The following RBMS3 variants were observed in gnomAD, a reference collection of about 807,000 sequenced individuals.
The protein encoded by RBMS3 is RNA-binding motif, single-stranded-interacting protein 3.
Under a neutral mutation model 66.8 loss-of-function variants are expected in RBMS3, and 27 were observed. That is an observed-to-expected ratio of 0.40 (90% CI 0.30 to 0.56). The LOEUF (loss-of-function observed/expected upper bound fraction) is 0.56. RBMS3 is among the 20% of genes least tolerant of loss of function. The pLI is 0.40. For synonymous variants in RBMS3, 188 were observed against 183.0 expected (o/e 1.03, Z -0.22); for missense variants, 513 against 549.5 (o/e 0.93, Z 0.66).
At chr3:29,472,748 C>T (rs944341611) in intron 2 of RBMS3, among the ~76,000 whole-genome samples, 8 of 152,058 alleles carry the variant, frequency 5.3e-5, no homozygotes, top group East Asian at 1.9e-4. Context: ...CAGACCTTCG[C>T]GGTGAGTGTT....
chr3:29,495,652 A>G (rs993927644), intron 3 of RBMS3, among the ~76,000 whole-genome samples: 1 of 151,870 alleles, frequency 6.6e-6, no homozygotes, highest in Non-Finnish European at 1.5e-5. Flanking sequence ...TCCTGACCTC[A>G]AGTGATCCAC....
intron 8 of RBMS3, among the ~76,000 whole-genome samples, chr3:29,896,619 A>G (rs1431673354): frequency 1.3e-5 from 2 of 151,576 alleles, no homozygotes; most frequent in African/African-American, 4.8e-5. Context: ...ACTCTACAGT[A>G]TAGTCTGAGC....
chr3:29,678,416 G>A (rs528948324), intron 4 of RBMS3, among the ~76,000 whole-genome samples: 1 of 152,018 alleles, frequency 6.6e-6, no homozygotes, highest in Non-Finnish European at 1.5e-5. Flanking sequence ...ATTTTTCTTT[G>A]AGGAGAAAAG....
chr3:29,844,550 C>T (rs955060912), intron 6 of RBMS3, among the ~76,000 whole-genome samples: 1 of 152,152 alleles, frequency 6.6e-6, no homozygotes, highest in Non-Finnish European at 1.5e-5. Flanking sequence ...CAACATAAAG[C>T]ACTATGATTA....
At chr3:29,367,368 T>C (rs189978287) in intron 1 of RBMS3, among the ~76,000 whole-genome samples, 1 of 152,226 alleles carries the variant, frequency 6.6e-6, no homozygotes, top group Admixed American at 6.5e-5. Flanking sequence ...GAAAGCAACA[T>C]ACAATGTGAG....
At chr3:29,622,957 A>C (rs1194738431) in intron 4 of RBMS3, among the ~76,000 whole-genome samples, 1 of 151,998 alleles carries the variant, frequency 6.6e-6, no homozygotes. Context: ...TCTACTAAAA[A>C]ATACAAAAAA....
chr3:29,822,779 T>A (rs2058105598), intron 6 of RBMS3, among the ~76,000 whole-genome samples: 1 of 152,178 alleles, frequency 6.6e-6, no homozygotes, highest in South Asian at 2.1e-4. Flanking sequence ...TTCATTAATA[T>A]CGCTGTTCAT....
chr3:29,730,942 A>C (rs1460104186), intron 4 of RBMS3: 1 of 985,186 alleles, frequency 1.0e-6, no homozygotes, highest in African/African-American at 1.7e-5. Flanking sequence ...CAAGTTCATG[A>C]GGTGTATATG....
chr3:29,545,834 C>T (rs578163560), intron 3 of RBMS3, among the ~76,000 whole-genome samples: 115 of 152,058 alleles, frequency 7.6e-4, no homozygotes, highest in Non-Finnish European at 1.3e-3. Context: ...TCTTCAGATT[C>T]CTAGAGAAAG....
intron 3 of RBMS3, among the ~76,000 whole-genome samples, chr3:29,585,833 C>T (rs1009090681): frequency 3.9e-5 from 6 of 152,210 alleles, no homozygotes; most frequent in African/African-American, 1.2e-4. Context: ...AACTTCACAG[C>T]TTCTCTGCCC....
chr3:29,922,893 CG>C (rs1441958999), intron 10 of RBMS3, among the ~76,000 whole-genome samples: 1 of 152,040 alleles, frequency 6.6e-6, no homozygotes, highest in Non-Finnish European at 1.5e-5. Context: ...GATAAGCTGG[CG>C]GTGTAAACAT....
intron 6 of RBMS3, among the ~76,000 whole-genome samples, chr3:29,814,911 A>G (rs1380288668): frequency 3.3e-5 from 5 of 152,200 alleles, no homozygotes; most frequent in Admixed American, 1.3e-4. Context: ...TGGCCCTCTC[A>G]TCTGCTCTTC....
intron 6 of RBMS3, among the ~76,000 whole-genome samples, chr3:29,850,271 C>G (rs1350165723): frequency 1.3e-5 from 2 of 152,166 alleles, no homozygotes; most frequent in Non-Finnish European, 1.5e-5. Context: ...CTAGGGTAGA[C>G]TGAATAACTT....
chr3:29,950,937 A>G (rs1019475036), intron 12 of RBMS3, among the ~76,000 whole-genome samples: 26 of 151,996 alleles, frequency 1.7e-4, no homozygotes, highest in African/African-American at 5.8e-4. Flanking sequence ...TTAACTAACA[A>G]TGTAAAATAC....
chr3:29,795,844 G>C (rs2149434425), intron 6 of RBMS3, among the ~76,000 whole-genome samples: 1 of 152,272 alleles, frequency 6.6e-6, no homozygotes, highest in East Asian at 1.9e-4. Context: ...TGAAAAATAG[G>C]AATTAATGGA....
chr3:29,314,500 A>G (rs1316339574), intron 1 of RBMS3, among the ~76,000 whole-genome samples: 1 of 151,702 alleles, frequency 6.6e-6, no homozygotes, highest in African/African-American at 2.4e-5. Context: ...CATGACTGTG[A>G]TACAGGCTGA....
Position 29,558,882 on chromosome 3 carries a change from A to G in RBMS3, c.308-28232A>G, listed in dbSNP as rs558552635. On this transcript the variant is annotated intron_variant, in intron 3 of 14. Coordinates refer to ENST00000383767, the MANE Select transcript of RBMS3 (RefSeq NM_001003793.3). Reference sequence around the variant, plus strand: ...CACACATTGAGAACCACTGATTTGCATTAACAAAAATTTGCGAGGGAATAG... The same window carrying G: ...CACACATTGAGAACCACTGATTTGCGTTAACAAAAATTTGCGAGGGAATAG... Among the ~76,000 whole-genome samples, 7 of 152,326 alleles carry G rather than the reference A, an allele frequency of 4.6e-5. No homozygotes were observed. The East Asian group carries it at 1.2e-3, about 25-fold the overall frequency.
chr3:29,584,086 C>T (rs948411631), intron 3 of RBMS3, among the ~76,000 whole-genome samples: 6 of 152,158 alleles, frequency 3.9e-5, no homozygotes, highest in Non-Finnish European at 8.8e-5. Flanking sequence ...ACTACTCCAG[C>T]AGACTTCAAT....
chr3:29,434,822 ACAG>A lies in RBMS3; in HGVS notation c.160_162del (p.Ser54del). The A allele has an allele frequency of 6.2e-7, 1 of 1,614,114 alleles. No individual in the cohort carries two copies. Among genetic ancestry groups the A allele is most frequent in the Non-Finnish European group, 8.5e-7 (1 of 1,180,028 alleles). ...AGCAGCAGCAACAACAGCAGCAACA[ACAG>A]CAGCGGGGAACAGTTGAGTAAAACC... On this transcript the variant is annotated inframe_deletion, in exon 2 of 15. Transcript: ENST00000383767.
Sources: allele counts gnomAD v4.1 joint callset (sites outside exome capture counted in the v4.1 genomes callset), GRCh38; gene constraint gnomAD v4.1.1; transcripts MANE v1.5; gene names NCBI Gene and HGNC (gene_info 2026-07-23, HGNC 2026-07-21).